TSHZ2: variants seen among roughly 807,000 people sequenced by gnomAD.
The protein encoded by TSHZ2 is teashirt zinc finger homeobox 2.
In TSHZ2, 21 loss-of-function variants were observed where a neutral mutation model predicts 74.4. That is an observed-to-expected ratio of 0.28 (90% confidence interval 0.20 to 0.41). The LOEUF (loss-of-function observed/expected upper bound fraction) is 0.41. Ranked by LOEUF, TSHZ2 falls within the 10% of genes least tolerant of loss-of-function variation. The pLI is 1.00. For synonymous variants in TSHZ2, 540 were observed against 515.3 expected, an observed-to-expected ratio of 1.05 and a Z score of -0.65; for missense variants, 1,244 against 1,293.5, an observed-to-expected ratio of 0.96 and a Z score of 0.59.
chr20:53,240,655 C>T (rs1182632795), intron 1 of TSHZ2, among the ~76,000 whole-genome samples: 1 of 151,652 alleles, frequency 6.6e-6, no homozygotes, highest in African/African-American at 2.4e-5. Flanking sequence ...AAAAGAAAAA[C>T]TATCATTTAC....
At chr20:52,994,039 G>A (rs547132101) in intron 1 of TSHZ2, among the ~76,000 whole-genome samples, 1 of 152,276 alleles carries the variant, frequency 6.6e-6, no homozygotes, top group Middle Eastern at 3.4e-3. Context: ...GAGGAAGAAG[G>A]GATGGATAGA....
chr20:53,171,405 T>C (rs115125156), intron 1 of TSHZ2, among the ~76,000 whole-genome samples: 190 of 152,352 alleles, frequency 1.2e-3, no homozygotes, highest in African/African-American at 4.2e-3. Context: ...TATGGTCCCT[T>C]ATGAGTCCCC....
At chr20:53,067,485 CCTTT>C (rs1985028479) in intron 1 of TSHZ2, among the ~76,000 whole-genome samples, 1 of 152,128 alleles carries the variant, frequency 6.6e-6, no homozygotes, top group Non-Finnish European at 1.5e-5. Context: ...TGAAAAGTAA[CCTTT>C]CTCTTTCTAG....
chr20:53,171,970 G>A (rs778028895), intron 1 of TSHZ2, among the ~76,000 whole-genome samples: 1 of 151,780 alleles, frequency 6.6e-6, no homozygotes, highest in Non-Finnish European at 1.5e-5. Flanking sequence ...GAATAAAGGG[G>A]AACAAAAAAA....
intron 2 of TSHZ2, among the ~76,000 whole-genome samples, chr20:53,441,499 G>T (rs1984325196): frequency 6.6e-6 from 1 of 151,906 alleles, no homozygotes; most frequent in Non-Finnish European, 1.5e-5. Context: ...TGTTAGCAAG[G>T]ATTGTCTCAA....
chr20:53,236,622 C>T (rs1456348071), intron 1 of TSHZ2, among the ~76,000 whole-genome samples: 2 of 152,176 alleles, frequency 1.3e-5, no homozygotes, highest in African/African-American at 4.8e-5. Flanking sequence ...CAATCAGTTT[C>T]TGGGCATGTG....
At chr20:53,118,970 G>A (rs1219239357) in intron 1 of TSHZ2, among the ~76,000 whole-genome samples, 1 of 152,042 alleles carries the variant, frequency 6.6e-6, no homozygotes, top group Non-Finnish European at 1.5e-5. Flanking sequence ...GAGAGAGAGA[G>A]AGGTCAGGTG....
At chr20:53,457,906 A>G (rs1985171312) in intron 2 of TSHZ2, among the ~76,000 whole-genome samples, 1 of 149,638 alleles carries the variant, frequency 6.7e-6, no homozygotes, top group African/African-American at 2.4e-5. Context: ...CCAGGGATGA[A>G]GCCCACTTGA....
At chr20:53,270,326 G>A (rs775142053) in intron 2 of TSHZ2, among the ~76,000 whole-genome samples, 12 of 152,110 alleles carry the variant, frequency 7.9e-5, no homozygotes, top group South Asian at 2.1e-4. Flanking sequence ...CTTGCCTCCC[G>A]AGAGGCCAAG....
intron 1 of TSHZ2, among the ~76,000 whole-genome samples, chr20:53,232,295 C>T (rs1349485150): frequency 6.6e-6 from 1 of 152,182 alleles, no homozygotes; most frequent in Admixed American, 6.5e-5. Flanking sequence ...CTCACTGGAT[C>T]CTCATCTAAT....
chr20:53,448,467 G>A (rs761111329), intron 2 of TSHZ2, among the ~76,000 whole-genome samples: 1 of 152,154 alleles, frequency 6.6e-6, no homozygotes, highest in African/African-American at 2.4e-5. Context: ...CCTGAGAAAG[G>A]AACTCAGATA....
chr20:53,341,455 G>C lies in TSHZ2; in HGVS notation c.*8+84884G>C, dbSNP rs552678660. Among the ~76,000 whole-genome samples the C allele has an allele frequency of 2.6e-5, 4 of 151,892 alleles. 1 individual carries two copies. Among genetic ancestry groups the C allele is most frequent in the South Asian group, 4.2e-4 (2 of 4,758 alleles). ...GAACAGGTTGGCCACCCTTGCTAAG[G>C]CTTTTCATGCATTATCTCTTTCTGT... On this transcript the variant is annotated intron_variant, in intron 2 of 2. Coordinates refer to ENST00000371497, the MANE Select transcript of TSHZ2 (RefSeq NM_173485.6).
chr20:53,445,614 C>T (rs748475731), intron 2 of TSHZ2, among the ~76,000 whole-genome samples: 10 of 152,140 alleles, frequency 6.6e-5, no homozygotes, highest in Non-Finnish European at 1.3e-4. Context: ...GTGGCCAATT[C>T]GAAGATGTCC....
At chr20:53,446,223 G>A (rs1984536605) in intron 2 of TSHZ2, among the ~76,000 whole-genome samples, 1 of 152,068 alleles carries the variant, frequency 6.6e-6, no homozygotes, top group South Asian at 2.1e-4. Context: ...GAGGATGAAA[G>A]AGCTATCCCT....
chr20:53,210,481 C>T (rs912049052), intron 1 of TSHZ2, among the ~76,000 whole-genome samples: 1 of 152,004 alleles, frequency 6.6e-6, no homozygotes, highest in Non-Finnish European at 1.5e-5. Flanking sequence ...TGGCTGAACT[C>T]AACTCCAACC....
intron 2 of TSHZ2, among the ~76,000 whole-genome samples, chr20:53,305,532 A>G (rs13039689): frequency 0.27 from 41,609 of 152,110 alleles, 6,563 homozygotes; most frequent in South Asian, 0.4. Context: ...TCCTTATACA[A>G]ATGTCTGACA....
intron 2 of TSHZ2, among the ~76,000 whole-genome samples, chr20:53,285,230 C>T (rs1017300698): frequency 6.6e-5 from 10 of 152,136 alleles, no homozygotes; most frequent in Admixed American, 3.9e-4. Context: ...ACCAGCTCAA[C>T]GCAAGGATAA....
chr20:52,988,783 C>A (rs1331332606), intron 1 of TSHZ2, among the ~76,000 whole-genome samples: 1 of 152,130 alleles, frequency 6.6e-6, no homozygotes, highest in South Asian at 2.1e-4. Flanking sequence ...CACAGTCCAT[C>A]TGGGGCGTCT....
intron 1 of TSHZ2, among the ~76,000 whole-genome samples, chr20:53,092,981 G>A (rs1463326957): frequency 6.6e-6 from 1 of 152,138 alleles, no homozygotes; most frequent in Admixed American, 6.5e-5. Flanking sequence ...CAAAACAAGC[G>A]GTGAGCCGGA....
Sources: gnomAD v4.1 joint callset for allele counts (sites outside exome capture counted in the v4.1 genomes callset) on GRCh38, gnomAD v4.1.1 for gene constraint, MANE v1.5 for transcripts, NCBI Gene and HGNC (gene_info 2026-07-23, HGNC 2026-07-21) for gene names.